The following DOCK8 variants were observed in gnomAD, a reference collection of about 807,000 sequenced individuals.
DOCK8 encodes the protein dedicator of cytokinesis protein 8.
In DOCK8, 141 loss-of-function variants were observed where a neutral mutation model predicts 245.6. The ratio of observed to expected loss-of-function variants is 0.57; its 90% CI spans 0.50 to 0.66. DOCK8 has a LOEUF of 0.66. Ranked by LOEUF, DOCK8 falls within the 30% of genes least tolerant of loss-of-function variation. The pLI is 0.00. For synonymous variants in DOCK8, 1,168 were observed against 970.2 expected, an observed-to-expected ratio of 1.20 and a Z score of -3.79; for missense variants, 2,965 against 2,603.4, an observed-to-expected ratio of 1.14 and a Z score of -3.02.
At chr9:359,986 T>C (rs903725186) in intron 14 of DOCK8, among the ~76,000 whole-genome samples, 6 of 152,156 alleles carry the variant, frequency 3.9e-5, no homozygotes, top group African/African-American at 1.4e-4. Context: ...AGTAGTTTAC[T>C]ATCAAAACAA....
Position 434,787 on chromosome 9 carries a change from G to A in DOCK8, c.4891G>A (p.Ala1631Thr). 4 of 1,613,958 alleles carry A rather than the reference G, an allele frequency of 2.5e-6. No homozygotes were observed. The highest frequency in any genetic ancestry group is 3.4e-6 in the Non-Finnish European group (4 of 1,180,036). Residue 1631 changes from alanine to threonine, a missense_variant, in exon 39 of 48, where the codon GCC becomes ACC. Coordinates refer to ENST00000432829, the MANE Select transcript of DOCK8 (RefSeq NM_203447.4). ...TCTCACTCAATCTGTCTTCAGAATT[G>A]CCAAGAGTTACCAGGCATCTCCTGA... ...EMLMDLMYRI[A>T]KSYQASPDLR...
At chr9:325,832 T>C in intron 8 of DOCK8, 95 bp downstream of exon 8, 2 of 1,207,300 alleles carry the variant, frequency 1.7e-6, no homozygotes, top group Non-Finnish European at 1.2e-6. Flanking sequence ...CAAGAACCTA[T>C]CAGATTTGAA....
chr9:285,413 T>C lies in DOCK8; in HGVS notation c.157-1048T>C, dbSNP rs533076539. The stretch of plus-strand genomic sequence containing the variant: ...CAGTGCAAGTAAAGAATCCAAGATA[T>C]TTGTTTTGTTGGTCCACTGGAGGGT... On this transcript the variant is annotated intron_variant, in intron 2 of 47. Transcript: ENST00000432829. 1.4e-3 allele frequency among the ~76,000 whole-genome samples: 211 copies of C among 152,318 alleles called. 1 individual carries two copies. Among genetic ancestry groups the C allele is most frequent in the African/African-American group, 4.8e-3 (199 of 41,564 alleles).
intron 28 of DOCK8, among the ~76,000 whole-genome samples, chr9:413,114 T>C (rs746145483): frequency 8.5e-5 from 13 of 152,294 alleles, no homozygotes; most frequent in Non-Finnish European, 1.9e-4. Flanking sequence ...TTCATATTTA[T>C]AGTCAATTGA....
chr9:443,896 C>T (rs1217651618), intron 43 of DOCK8, among the ~76,000 whole-genome samples: 1 of 152,184 alleles, frequency 6.6e-6, no homozygotes, highest in Non-Finnish European at 1.5e-5. Flanking sequence ...AGCCAGTACT[C>T]AGACTTGAGG....
At chr9:337,982 C>T (rs867528274) in intron 12 of DOCK8, among the ~76,000 whole-genome samples, 31 of 152,176 alleles carry the variant, frequency 2.0e-4, no homozygotes, top group African/African-American at 6.3e-4. Context: ...GGTGAACCCC[C>T]GTCTCTACTA....
chr9:444,279 C>T (rs1283217409), intron 43 of DOCK8, among the ~76,000 whole-genome samples: 2 of 151,558 alleles, frequency 1.3e-5, no homozygotes, highest in Non-Finnish European at 2.9e-5. Flanking sequence ...GATCAGCCAG[C>T]TACAAATTTG....
rs749747387 is a variant in DOCK8 at position 379,899 on chromosome 9, C to T, written c.2569C>T (p.Arg857Cys). 11 of 1,614,016 alleles carry T rather than the reference C, an allele frequency of 6.8e-6. No homozygotes were observed. Among genetic ancestry groups the T allele is most frequent in the Admixed American group, 1.7e-5 (1 of 60,012 alleles). ...LLASYVHYVF[R>C]LPEVQRDVPK... is the part of the protein sequence containing the mutation. ...GGCTTCCTACGTGCACTACGTCTTC[C>T]GCCTGCCAGAGGTGCAAAGGGATGT... Residue 857 changes from arginine to cysteine, a missense_variant, in exon 21 of 48, where the codon CGC (arginine) becomes TGC (cysteine). Arg to Cys is a radical substitution (Grantham distance 180, BLOSUM62 -3). Coordinates refer to ENST00000432829, the MANE Select transcript of DOCK8 (RefSeq NM_203447.4).
intron 26 of DOCK8, among the ~76,000 whole-genome samples, chr9:400,730 T>A (rs1429661545): frequency 5.4e-4 from 14 of 25,852 alleles, no homozygotes; most frequent in East Asian, 3.0e-3. Context: ...CACCACCACC[T>A]CCACCACCAC....
At chr9:426,283 C>G (rs1010466830) in intron 33 of DOCK8, among the ~76,000 whole-genome samples, 1 of 152,156 alleles carries the variant, frequency 6.6e-6, no homozygotes, top group African/African-American at 2.4e-5. Context: ...TATTAGATCA[C>G]CTGCCCTACA....
At chr9:361,530 G>C (rs897683146) in intron 14 of DOCK8, among the ~76,000 whole-genome samples, 1 of 152,122 alleles carries the variant, frequency 6.6e-6, no homozygotes, top group African/African-American at 2.4e-5. Context: ...AGATTGACTT[G>C]TTCACCTTAC....
rs200646569 is a variant in DOCK8, at chr9:418,222, A to G, written c.3840+15A>G. The G allele has an allele frequency of 5.6e-6, 9 of 1,613,874 alleles. No homozygotes were observed. The highest frequency in any genetic ancestry group is 2.7e-5 in the African/African-American group (2 of 74,910). ...TGTCTTCCTTGGTATGTTGGTGCAC[A>G]TGTGTCTGGTTGATTTTTCATTTCA... On this transcript the variant is annotated intron_variant, in intron 30 of 47. Coordinates refer to ENST00000432829, the MANE Select transcript of DOCK8 (RefSeq NM_203447.4).
chr9:236,803 A>C (rs1299509120), intron 1 of DOCK8, among the ~76,000 whole-genome samples: 1 of 152,180 alleles, frequency 6.6e-6, no homozygotes, highest in Non-Finnish European at 1.5e-5. Flanking sequence ...CTTCCATCTT[A>C]CAGCTCTACC....
intron 30 of DOCK8, chr9:420,133 G>C (rs2056214074): frequency 1.9e-6 from 1 of 515,468 alleles, no homozygotes; most frequent in Non-Finnish European, 3.5e-6. Context: ...TCCTAAGACA[G>C]AGGTACTCAG....
intron 4 of DOCK8, among the ~76,000 whole-genome samples, chr9:291,680 T>C (rs1317223992): frequency 6.6e-6 from 1 of 152,032 alleles, no homozygotes; most frequent in Non-Finnish European, 1.5e-5. Flanking sequence ...AATTTGTACA[T>C]ATTTATGATT....
At chr9:397,021 A>T (rs2054494811) in intron 25 of DOCK8, 87 bp downstream of exon 25, 1 of 1,398,304 alleles carries the variant, frequency 7.2e-7, no homozygotes, top group South Asian at 1.2e-5. Context: ...GCATCATTTT[A>T]AAACAATAAT....
intron 2 of DOCK8, among the ~76,000 whole-genome samples, chr9:275,661 T>C (rs925811527): frequency 1.3e-5 from 2 of 152,062 alleles, no homozygotes; most frequent in African/African-American, 4.8e-5. Context: ...CAATCTTGGC[T>C]CACTGCAACT....
chr9:251,103 G>T (rs547366552), intron 1 of DOCK8, among the ~76,000 whole-genome samples: 2 of 152,174 alleles, frequency 1.3e-5, no homozygotes, highest in Admixed American at 1.3e-4. Context: ...GACAGATCTC[G>T]AATAAAAACA....
intron 6 of DOCK8, among the ~76,000 whole-genome samples, chr9:316,445 C>A (rs935724007): frequency 6.6e-6 from 1 of 152,128 alleles, no homozygotes; most frequent in Non-Finnish European, 1.5e-5. Flanking sequence ...CTTAATTTGT[C>A]ATTACTAAAT....
Sources: gnomAD v4.1 joint callset for allele counts (sites outside exome capture counted in the v4.1 genomes callset) on GRCh38, gnomAD v4.1.1 for gene constraint, MANE v1.5 for transcripts, NCBI Gene and HGNC (gene_info 2026-07-23, HGNC 2026-07-21) for gene names.